Variants in COBL observed in about 807,000 individuals in gnomAD.
The protein encoded by COBL is cordon-bleu WH2 repeat protein.
COBL carries 51 observed loss-of-function variants against 98.8 expected under a neutral mutation model. The ratio of observed to expected loss-of-function variants is 0.52; its 90% confidence interval spans 0.41 to 0.65. The LOEUF (loss-of-function observed/expected upper bound fraction) is 0.65. Among genes scored for constraint, COBL ranks in the 30% least tolerant of loss-of-function variants. The pLI is 0.00. For synonymous variants in COBL, 634 were observed against 651.7 expected, an observed-to-expected ratio of 0.97 and a Z score of 0.41; for missense variants, 1,617 against 1,617.5, an observed-to-expected ratio of 1.00 and a Z score of 0.01.
chr7:51,220,253 C>A (rs1033939124), intron 1 of COBL, among the ~76,000 whole-genome samples: 2 of 152,116 alleles, frequency 1.3e-5, no homozygotes, highest in Non-Finnish European at 2.9e-5. Context: ...TTCGCCCGAC[C>A]CTTTCTGAAT....
intron 5 of COBL, among the ~76,000 whole-genome samples, chr7:51,147,783 C>G (rs1384130009): frequency 6.6e-6 from 1 of 150,474 alleles, no homozygotes; most frequent in African/African-American, 2.5e-5. Flanking sequence ...CAGAGTCTCA[C>G]TCTGTCATCC....
At chr7:51,286,998 T>G (rs992443259) in intron 1 of COBL, among the ~76,000 whole-genome samples, 5 of 152,194 alleles carry the variant, frequency 3.3e-5, no homozygotes, top group Admixed American at 1.3e-4. Flanking sequence ...CTAAGTGAAT[T>G]AATGCAGGAA....
At chr7:51,167,948 G>C (rs1787486964) in intron 5 of COBL, among the ~76,000 whole-genome samples, 2 of 152,176 alleles carry the variant, frequency 1.3e-5, no homozygotes, top group African/African-American at 4.8e-5. Flanking sequence ...AAGACCTGAA[G>C]CTATGAAACT....
At chr7:51,097,446 C>A (rs1238672397) in intron 6 of COBL, among the ~76,000 whole-genome samples, 3 of 152,012 alleles carry the variant, frequency 2.0e-5, no homozygotes, top group Non-Finnish European at 4.4e-5. Flanking sequence ...GGAGTCCTAG[C>A]CATAACAATT....
chr7:51,064,585 G>A (rs1335019844), intron 7 of COBL: 2 of 152,594 alleles, frequency 1.3e-5, no homozygotes, highest in African/African-American at 2.4e-5. Flanking sequence ...TGTGCTAAGT[G>A]AAATAAGCCA....
chr7:51,268,440 A>T (rs1178783582), intron 1 of COBL, among the ~76,000 whole-genome samples: 1 of 152,038 alleles, frequency 6.6e-6, no homozygotes, highest in African/African-American at 2.4e-5. Flanking sequence ...TGGACACTTA[A>T]TTCCTCCTCA....
chr7:51,064,949 G>A (rs1791748194), intron 7 of COBL: 2 of 590,236 alleles, frequency 3.4e-6, no homozygotes, highest in Non-Finnish European at 6.0e-6. Context: ...TCATATTCAG[G>A]CTCATTTTCC....
At chr7:51,090,550 C>A (rs1341530233) in intron 6 of COBL, among the ~76,000 whole-genome samples, 1 of 152,168 alleles carries the variant, frequency 6.6e-6, no homozygotes, top group Non-Finnish European at 1.5e-5. Flanking sequence ...TGACTGGGAG[C>A]ACTGATGGGA....
At chr7:51,061,275 T>C (rs554992371) in intron 7 of COBL, among the ~76,000 whole-genome samples, 3 of 152,334 alleles carry the variant, frequency 2.0e-5, no homozygotes, top group African/African-American at 7.2e-5. Flanking sequence ...TATAAATATC[T>C]TTGTTTTCTT....
At chr7:51,148,109 T>C (rs1283899657) in intron 5 of COBL, among the ~76,000 whole-genome samples, 2 of 152,144 alleles carry the variant, frequency 1.3e-5, no homozygotes, top group Non-Finnish European at 2.9e-5. Flanking sequence ...TTAGCACAGG[T>C]CTTTGAATAA....
intron 1 of COBL, among the ~76,000 whole-genome samples, chr7:51,289,576 G>A (rs1054941762): frequency 6.6e-6 from 1 of 152,228 alleles, no homozygotes. Flanking sequence ...CCGTCCTAGA[G>A]TGCCACCTCT....
At chr7:51,285,152 G>A (rs1053229477) in intron 1 of COBL, among the ~76,000 whole-genome samples, 2 of 151,918 alleles carry the variant, frequency 1.3e-5, no homozygotes, top group African/African-American at 2.4e-5. Context: ...TCAACATCTT[G>A]GCCAGGCTGG....
intron 1 of COBL, among the ~76,000 whole-genome samples, chr7:51,272,948 C>CAA (rs1563113215): frequency 0.016 from 2,282 of 146,194 alleles, 61 homozygotes; most frequent in African/African-American, 0.059. Flanking sequence ...GAACACAATA[C>CAA]CAACAACAAC....
At chr7:51,219,106 G>A (rs1301157985) in intron 2 of COBL, among the ~76,000 whole-genome samples, 1 of 152,146 alleles carries the variant, frequency 6.6e-6, no homozygotes, top group South Asian at 2.1e-4. Flanking sequence ...AGGAGACTTT[G>A]CCAATGTTTC....
At chr7:51,112,642 C>T (rs1331625684) in intron 6 of COBL, among the ~76,000 whole-genome samples, 1 of 152,130 alleles carries the variant, frequency 6.6e-6, no homozygotes, top group East Asian at 1.9e-4. Flanking sequence ...TGCATGGGGT[C>T]GGCTGTCCTT....
intron 6 of COBL, among the ~76,000 whole-genome samples, chr7:51,132,436 C>T (rs928742649): frequency 1.3e-5 from 2 of 152,218 alleles, no homozygotes; most frequent in African/African-American, 4.8e-5. Flanking sequence ...CTTACTGTTC[C>T]CATTTTACAG....
At chr7:51,036,628 A>G (rs1788670668) in intron 8 of COBL, among the ~76,000 whole-genome samples, 1 of 152,068 alleles carries the variant, frequency 6.6e-6, no homozygotes, top group Non-Finnish European at 1.5e-5. Flanking sequence ...CTCCTCACAA[A>G]GTGCTTCTGC....
chr7:51,087,568 G>A (rs1042296989), intron 6 of COBL, among the ~76,000 whole-genome samples: 14 of 151,690 alleles, frequency 9.2e-5, no homozygotes, highest in Non-Finnish European at 1.9e-4. Flanking sequence ...GCGCGATCTC[G>A]GGTTCCAGTG....
rs1259162248 is a variant in COBL at position 51,136,214 on chromosome 7, G to A, written c.901C>T (p.Arg301Ter). The A allele has an allele frequency of 1.9e-6, 3 of 1,613,170 alleles. No homozygotes were observed. The highest frequency in any genetic ancestry group is 1.7e-5 in the Admixed American group (1 of 60,010). ...CCTGAACCTGGAGGAGGAGGGGCTCGGCGCTTCTTCATCTCCGACTTCACG... is the reference window on the plus strand; with the variant it reads ...CCTGAACCTGGAGGAGGAGGGGCTCAGCGCTTCTTCATCTCCGACTTCACG... Reference protein sequence around the residue: ...VSVKSEMKKRRAPPPPGSGPP... With the variant: ...VSVKSEMKKR The change falls in exon 6 of 13, where the codon CGA becomes TGA. Residue 301 changes from arginine to a stop codon, truncating the protein, a stop_gained. Transcript: ENST00000265136. LOFTEE classifies it high-confidence loss of function.
Sources: allele counts gnomAD v4.1 joint callset (sites outside exome capture counted in the v4.1 genomes callset), GRCh38; gene constraint gnomAD v4.1.1; transcripts MANE v1.5; gene names NCBI Gene and HGNC (gene_info 2026-07-23, HGNC 2026-07-21).